The following PDLIM7 variants were observed in gnomAD, a reference collection of about 807,000 sequenced individuals.
The protein encoded by PDLIM7 is PDZ and LIM domain protein 7.
Under a neutral mutation model 53.9 loss-of-function variants are expected in PDLIM7, and 37 were observed. The ratio of observed to expected loss-of-function variants is 0.69; its 90% CI spans 0.53 to 0.90. The LOEUF (loss-of-function observed/expected upper bound fraction) is 0.90, where lower values mean the gene tolerates loss of function less well. Among genes scored for constraint, PDLIM7 ranks in the 40% least tolerant of loss-of-function variants. The probability of loss-of-function intolerance (pLI) is 0.00; values close to 1 mark genes in which losing one functional copy is unlikely to be tolerated. For synonymous variants in PDLIM7, 300 were observed against 261.3 expected, an observed-to-expected ratio of 1.15 and a Z score of -1.43; for missense variants, 617 against 638.5, an observed-to-expected ratio of 0.97 and a Z score of 0.36.
chr5:177,496,507 A>C lies in PDLIM7; in HGVS notation c.6T>G (p.Asp2Glu), dbSNP rs1415228693. 1.1e-5 allele frequency: 17 copies of C among 1,591,128 alleles called. No homozygotes were observed. The Admixed American group carries it at 3.0e-4, about 28-fold the overall frequency. Residue 2 changes from aspartate to glutamate, a missense_variant, in exon 2 of 13, where the codon GAT (aspartate) becomes GAG (glutamate). Asp to Glu is a conservative substitution (Grantham distance 45, BLOSUM62 2). Coordinates refer to ENST00000355841, the MANE Select transcript of PDLIM7 (RefSeq NM_005451.5). M[D>E]SFKVVLEGPA... is the part of the protein sequence containing the mutation. ...GCCCCTCCAGCACTACTTTGAAGGAATCCATGATGCCGGCTCCTGAGAGGA... is the reference window on the plus strand; with the variant it reads ...GCCCCTCCAGCACTACTTTGAAGGACTCCATGATGCCGGCTCCTGAGAGGA...
At chr5:177,487,990 T>G in intron 10 of PDLIM7, 78 bp downstream of exon 10, 1 of 1,438,236 alleles carries the variant, frequency 7.0e-7, no homozygotes, top group Non-Finnish European at 9.4e-7. Flanking sequence ...GGGAGAGACC[T>G]GGACTGTGGG....
chr5:177,483,480 TG>T lies in PDLIM7; in HGVS notation c.*163del. On this transcript the variant is annotated 3_prime_UTR_variant, in exon 13 of 13. Coordinates refer to ENST00000355841, the MANE Select transcript of PDLIM7 (RefSeq NM_005451.5). ...CGGTGTGCTGTGGTGGTGGAGGGAG[TG>T]GGGTGGGAGGATAAGGTGGGTGGGG... 1 of 494,430 alleles carries T rather than the reference TG, an allele frequency of 2.0e-6. No homozygotes were observed. Among genetic ancestry groups the T allele is most frequent in the South Asian group, 2.5e-5 (1 of 39,456 alleles). The allele number at this position is 494,430 out of a possible 1,614,324, so 30.6% of individuals were successfully genotyped here. A position where few individuals can be genotyped will look rare whatever the true frequency, so the allele number is the denominator to read the frequency against.
intron 5 of PDLIM7, chr5:177,491,392 G>A (rs1457045239): frequency 1.9e-6 from 3 of 1,552,132 alleles, no homozygotes; most frequent in Non-Finnish European, 2.6e-6. Flanking sequence ...AGGCAGAGGG[G>A]GGCTCACTGA....
intron 7 of PDLIM7, 181 bp from the exon 8 acceptor site, chr5:177,490,013 G>C: frequency 6.5e-7 from 1 of 1,534,254 alleles, no homozygotes; most frequent in East Asian, 2.4e-5. Flanking sequence ...TGTCCAGTTA[G>C]CTGGTGTGCG....
At chr5:177,490,329 G>T in intron 7 of PDLIM7, 1 of 1,447,612 alleles carries the variant, frequency 6.9e-7, no homozygotes, top group Non-Finnish European at 9.0e-7. Flanking sequence ...GGAAGGCAGT[G>T]TCAGATGAAC....
chr5:177,491,474 G>A (rs1215975481), intron 5 of PDLIM7: 8 of 1,411,852 alleles, frequency 5.7e-6, no homozygotes, highest in Non-Finnish European at 6.9e-6. Flanking sequence ...GACAGACACA[G>A]GAGAGGAAGA....
At chr5:177,486,433 G>GC (rs1758442870) in intron 10 of PDLIM7, among the ~76,000 whole-genome samples, 1 of 152,072 alleles carries the variant, frequency 6.6e-6, no homozygotes, top group African/African-American at 2.4e-5. Context: ...AGAGCAACTA[G>GC]CCCCTGCTCA....
chr5:177,483,686 C>G lies in PDLIM7; in HGVS notation c.1332G>C (p.Lys444Asn). 6.2e-7 allele frequency: 1 copy of G among 1,613,370 alleles called. No individual in the cohort carries two copies. Among genetic ancestry groups the G allele is most frequent in the Non-Finnish European group, 8.5e-7 (1 of 1,179,372 alleles). The change falls in exon 13 of 13, where the codon AAG becomes AAC. Residue 444 changes from lysine to asparagine, a missense_variant. Physicochemically the swap from Lys to Asn is moderately conservative, Grantham distance 94. Transcript: ENST00000355841. The stretch of plus-strand genomic sequence containing the variant: ...CATGGCTCTTGCAGAGAGGCCTGTC[C>G]TTCTTGGAGTAGAAGGTCTTTCCTT... ...NLEGKTFYSK[K>N]DRPLCKSHAF...
rs1329742801 is a variant in PDLIM7, at chr5:177,488,191, G to A, written c.927C>T (p.Ser309=). Residue 309 remains serine, a synonymous_variant, in exon 10 of 13, where the codon AGC becomes AGT. Coordinates refer to ENST00000355841, the MANE Select transcript of PDLIM7 (RefSeq NM_005451.5). ...CCTCTTCCAGGACCTTCCCACACTG[G>A]CTACACACAAACTCCTCCGGGTGGT... The part of the protein sequence containing the change: ...HAYHPEEFVC[S]QCGKVLEEGG... 4.3e-6 allele frequency: 7 copies of A among 1,613,242 alleles called. No individual in the cohort carries two copies. In the Admixed American group the frequency reaches 8.3e-5, roughly 19 times the overall value.
intron 9 of PDLIM7, among the ~76,000 whole-genome samples, chr5:177,488,923 A>G (rs1758596336): frequency 1.3e-5 from 2 of 148,854 alleles, no homozygotes; most frequent in South Asian, 4.2e-4. Context: ...CAGAGATGAG[A>G]GCAGGCCAGG....
chr5:177,483,525 A>C lies in PDLIM7; in HGVS notation c.*119T>G. On this transcript the variant is annotated 3_prime_UTR_variant, in exon 13 of 13. Coordinates refer to ENST00000355841, the MANE Select transcript of PDLIM7 (RefSeq NM_005451.5). ...GGTGGGGCAGGGCCCAGGGAGCCCC[A>C]GGCTCGGGCCAGGAGCCAGGGTTAA... 1.4e-6 allele frequency: 1 copy of C among 694,950 alleles called. No individual in the cohort carries two copies. The allele number at this position is 694,950 out of a possible 1,614,324, so 43.0% of individuals were successfully genotyped here.
chr5:177,486,712 C>T (rs1285126857), intron 10 of PDLIM7, among the ~76,000 whole-genome samples: 1 of 152,104 alleles, frequency 6.6e-6, no homozygotes, highest in Non-Finnish European at 1.5e-5. Flanking sequence ...GATCTCGGCT[C>T]ACTGCAAGCT....
At chr5:177,496,761 T>G (rs1274557201) in intron 1 of PDLIM7, 4 of 318,382 alleles carry the variant, frequency 1.3e-5, no homozygotes, top group East Asian at 5.1e-5. Flanking sequence ...CGGTGAGGGG[T>G]GCCTGAATCC....
Position 177,490,888 on chromosome 5 carries a change from T to C in PDLIM7, c.554A>G (p.Glu185Gly). ...CCTGTACCTTGATTTCTTCAGGTGC[T>C]CCTCATCCGGGTCTTGCACTGAGAG... ...GTEFMQDPDE[E>G]HLKKSSQVPR... The change falls in exon 7 of 13, where the codon GAG (glutamate) becomes GGG (glycine). Residue 185 changes from glutamate (E) to glycine (G), a missense_variant. Coordinates refer to ENST00000355841, the MANE Select transcript of PDLIM7 (RefSeq NM_005451.5). 6.2e-7 allele frequency: 1 copy of C among 1,613,886 alleles called. No homozygotes were observed. The highest frequency in any genetic ancestry group is 8.5e-7 in the Non-Finnish European group (1 of 1,179,934).
chr5:177,483,447 G>A lies in PDLIM7; in HGVS notation c.*197C>T, dbSNP rs895704551. On this transcript the variant is annotated 3_prime_UTR_variant, in exon 13 of 13. Transcript: ENST00000355841. The stretch of plus-strand genomic sequence containing the variant: ...CTGGAGGTGAAAGGGGGCTGGTGTG[G>A]CCAGCACCGGTGTGCTGTGGTGGTG... 6 of 566,634 alleles carry A rather than the reference G, an allele frequency of 1.1e-5. No individual in the cohort carries two copies. The highest frequency in any genetic ancestry group is 5.6e-5 in the African/African-American group (3 of 53,118). 35.1% of individuals were successfully genotyped at this position (566,634 alleles called of 1,614,324 possible). A position where few individuals can be genotyped will look rare whatever the true frequency, so the allele number is the denominator to read the frequency against.
rs774727722 is a variant in PDLIM7, at chr5:177,488,196, A to G, written c.922T>C (p.Cys308Arg). The change falls in exon 10 of 13, where the codon TGT (cysteine) becomes CGT (arginine). Residue 308 changes from cysteine to arginine, a missense_variant. Transcript: ENST00000355841. ...TCCAGGACCTTCCCACACTGGCTAC[A>G]CACAAACTCCTCCGGGTGGTACGCG... is the stretch of plus-strand genomic sequence containing the variant. ...GHAYHPEEFVCSQCGKVLEEG... is the reference protein window; with the variant it reads ...GHAYHPEEFVRSQCGKVLEEG... 1.9e-5 allele frequency: 30 copies of G among 1,613,208 alleles called. No individual in the cohort carries two copies. The highest frequency in any genetic ancestry group is 2.5e-5 in the Non-Finnish European group (29 of 1,179,876).
rs764933427 is a variant in PDLIM7, at chr5:177,491,128, CAGCGGTCGG to C, written c.408_416del (p.Arg137_Leu139del). The C allele has an allele frequency of 1.3e-4, 202 of 1,610,948 alleles. No homozygotes were observed. The Middle Eastern group carries it at 3.2e-3, about 25-fold the overall frequency. ...GCCGCTGCTTGCTGGCATCTGGGACCAGCGGTCGGAGCGGCTGTCTGTGGGGAGGGTGTG... is the reference window on the plus strand; with the variant it reads ...GCCGCTGCTTGCTGGCATCTGGGACCAGCGGCTGTCTGTGGGGAGGGTGTG... On this transcript the variant is annotated inframe_deletion, in exon 6 of 13. Transcript: ENST00000355841.
chr5:177,489,412 G>A lies in PDLIM7; in HGVS notation c.850C>T (p.Gln284Ter). ...ACCCACCGGATGACCTTGTGGCACT[G>A]GTGACACACGGGAGTCTTGCCGTTG... Reference protein sequence around the residue: ...SNNGKTPVCHQCHKVIRGRYL... With the variant: ...SNNGKTPVCH Residue 284 changes from glutamine to a stop codon, truncating the protein, a stop_gained, in exon 9 of 13, where the codon CAG becomes TAG. Transcript: ENST00000355841. LOFTEE classifies it high-confidence loss of function. The A allele has an allele frequency of 6.3e-7, 1 of 1,591,926 alleles. No homozygotes were observed.
At position 177,491,789 on chromosome 5, in the gene PDLIM7, G is replaced by GCACCCATCCAT; in HGVS notation, c.398+17_398+18insATGGATGGGTG. On this transcript the variant is annotated intron_variant, in intron 5 of 12. Coordinates refer to ENST00000355841, the MANE Select transcript of PDLIM7 (RefSeq NM_005451.5). ...TGGGCCTGATGGCGTGGGCGCGGGC[G>GCACCCATCCAT]GGCAGGGGCCGACGTACCCATTCTG... 1.7e-6 allele frequency: 2 copies of GCACCCATCCAT among 1,176,246 alleles called. No homozygotes were observed. The highest frequency in any genetic ancestry group is 2.2e-6 in the Non-Finnish European group (2 of 913,266). 72.9% of individuals were successfully genotyped at this position (1,176,246 alleles called of 1,614,324 possible).
Sources: allele counts gnomAD v4.1 joint callset (sites outside exome capture counted in the v4.1 genomes callset), GRCh38; gene constraint gnomAD v4.1.1; transcripts MANE v1.5; gene names NCBI Gene and HGNC (gene_info 2026-07-23, HGNC 2026-07-21).